KDM3A: variants seen among roughly 807,000 people sequenced by gnomAD.
KDM3A encodes the protein lysine demethylase 3A.
A neutral mutation model predicts 158.0 loss-of-function variants in KDM3A; 60 were observed. The observed-to-expected ratio is 0.38, with a 90% confidence interval of 0.31 to 0.47. KDM3A has a LOEUF of 0.47. KDM3A is among the 20% of genes least tolerant of loss of function. KDM3A has a pLI of 0.99. For missense variants in KDM3A, 1,319 were observed against 1,574.3 expected, an observed-to-expected ratio of 0.84 and a Z score of 2.74; for synonymous variants, 608 against 549.3, an observed-to-expected ratio of 1.11 and a Z score of -1.49.
At position 86,451,205 on chromosome 2, in the gene KDM3A, C is replaced by T; in HGVS notation, c.445C>T (p.Pro149Ser). ...RVFLSKDLLK[P>S]IQDVNSLRLS... ...ATTTCTTTCTAAAGACCTTTTGAAG[C>T]CTATACAGGTAAAACATAGAAACAG... Residue 149 changes from proline to serine, a missense_variant, in exon 4 of 26, where the codon CCT becomes TCT. This residue lies in a region of KDM3A where 652 missense variants were observed against 627.2 expected (regional missense o/e 1.04). Coordinates refer to ENST00000312912, the MANE Select transcript of KDM3A (RefSeq NM_018433.6). 1 of 1,582,250 alleles carries T rather than the reference C, an allele frequency of 6.3e-7. No individual in the cohort carries two copies. The highest frequency in any genetic ancestry group is 8.6e-7 in the Non-Finnish European group (1 of 1,160,760).
At chr2:86,486,704 T>C (rs1674193472) in intron 21 of KDM3A, among the ~76,000 whole-genome samples, 1 of 152,210 alleles carries the variant, frequency 6.6e-6, no homozygotes, top group South Asian at 2.1e-4. Context: ...TGTTGTTGTC[T>C]TCGCTATGTT....
At chr2:86,473,286 A>G (rs1044159999) in intron 11 of KDM3A, among the ~76,000 whole-genome samples, 2 of 152,120 alleles carry the variant, frequency 1.3e-5, no homozygotes, top group African/African-American at 4.8e-5. Flanking sequence ...TCAGCTTCCC[A>G]GGTAGCTAGG....
Position 86,442,074 on chromosome 2 carries a change from G to C in KDM3A, c.27G>C (p.Trp9Cys). Residue 9 changes from tryptophan to cysteine, a missense_variant, in exon 2 of 26, where the codon TGG becomes TGC. Physicochemically the swap from Trp to Cys is radical, Grantham distance 215. Around this residue, in one of 4 missense-constraint regions of KDM3A, gnomAD observed 652 missense variants for 627.2 expected, o/e 1.04. Coordinates refer to ENST00000312912, the MANE Select transcript of KDM3A (RefSeq NM_018433.6). MVLTLGESWPVLVGRRFLS... is the reference protein window; with the variant it reads MVLTLGESCPVLVGRRFLS... ...TGGTGCTCACGCTCGGAGAAAGTTG[G>C]CCGGTATTGGTGGGGAGGAGGTTTC... 2.5e-6 allele frequency: 4 copies of C among 1,614,136 alleles called. No individual in the cohort carries two copies. The highest frequency in any genetic ancestry group is 1.7e-6 in the Non-Finnish European group (2 of 1,180,006).
chr2:86,480,305 TCTC>T lies in KDM3A; in HGVS notation c.2459_2461del (p.Pro820del), dbSNP rs781489239. ...GAAGCCTGCCTGTCCAGCCAGCACA[TCTC>T]CTCTAAACTGGCTGGCCGACCTAAC... On this transcript the variant is annotated inframe_deletion, in exon 16 of 26. Coordinates refer to ENST00000312912, the MANE Select transcript of KDM3A (RefSeq NM_018433.6). The T allele has an allele frequency of 1.5e-5, 25 of 1,613,950 alleles. No individual in the cohort carries two copies. In the African/African-American group the frequency reaches 1.6e-4, roughly 10 times the overall value.
chr2:86,455,293 T>TA, intron 5 of KDM3A, 106 bp downstream of exon 5: 2 of 697,982 alleles, frequency 2.9e-6, no homozygotes, highest in Non-Finnish European at 4.8e-6. Flanking sequence ...ATTTCTTTTT[T>TA]CTTTTTTTTT....
intron 4 of KDM3A, among the ~76,000 whole-genome samples, chr2:86,452,175 T>G (rs957969312): frequency 6.6e-6 from 1 of 150,880 alleles, no homozygotes; most frequent in Non-Finnish European, 1.5e-5. Context: ...TTGCAGTCTA[T>G]TTAGTGCTGC....
At chr2:86,469,702 G>A (rs1458855155) in intron 10 of KDM3A, among the ~76,000 whole-genome samples, 7 of 152,064 alleles carry the variant, frequency 4.6e-5, no homozygotes, top group African/African-American at 7.2e-5. Flanking sequence ...ATAGACCCAG[G>A]GGCTACGTAG....
chr2:86,457,479 T>A (rs964204405), intron 8 of KDM3A, among the ~76,000 whole-genome samples: 3 of 152,200 alleles, frequency 2.0e-5, no homozygotes, highest in Admixed American at 2.0e-4. Context: ...TGTCTGCTCT[T>A]CTTTGCTAGT....
chr2:86,441,666 C>T (rs1682713059), intron 1 of KDM3A, among the ~76,000 whole-genome samples: 1 of 150,866 alleles, frequency 6.6e-6, no homozygotes, highest in Non-Finnish European at 1.5e-5. Context: ...GACCCAGCCG[C>T]CCGGGACCGG....
rs759760110 is a variant in KDM3A at position 86,470,187 on chromosome 2, A to G, written c.1520-17A>G. On this transcript the variant is annotated splice_polypyrimidine_tract_variant and intron_variant, in intron 10 of 25. Coordinates refer to ENST00000312912, the MANE Select transcript of KDM3A (RefSeq NM_018433.6). ...AAAAATTTGAGGTCCTGTCTCCTTAATCTTTTGTTTTCCTAGCCCCATCCA... is the reference window on the plus strand; with the variant it reads ...AAAAATTTGAGGTCCTGTCTCCTTAGTCTTTTGTTTTCCTAGCCCCATCCA... 4 of 1,612,216 alleles carry G rather than the reference A, an allele frequency of 2.5e-6. No homozygotes were observed. The South Asian group carries it at 4.4e-5, about 18-fold the overall frequency.
chr2:86,451,515 T>C (rs1377438010), intron 4 of KDM3A, among the ~76,000 whole-genome samples: 2 of 152,178 alleles, frequency 1.3e-5, no homozygotes, highest in African/African-American at 4.8e-5. Flanking sequence ...GCAGAATACA[T>C]TTAGTATTCA....
Position 86,485,804 on chromosome 2 carries a change from G to A in KDM3A, c.3258G>A (p.Arg1086=), listed in dbSNP as rs751514454. 1 of 1,614,124 alleles carries A rather than the reference G, an allele frequency of 6.2e-7. No individual in the cohort carries two copies. Among genetic ancestry groups the A allele is most frequent in the South Asian group, 1.1e-5 (1 of 91,084 alleles). The change falls in exon 21 of 26, where the codon AGG becomes AGA. Residue 1086 remains arginine (R), a synonymous_variant. Coordinates refer to ENST00000312912, the MANE Select transcript of KDM3A (RefSeq NM_018433.6). ...ATGGCAAACTGAATTTGGCCTCTAGGCTGCCAAACTACTTTGTTCGGCCAG... is the reference window on the plus strand; with the variant it reads ...ATGGCAAACTGAATTTGGCCTCTAGACTGCCAAACTACTTTGTTCGGCCAG... The part of the protein sequence containing the change: ...RRDGKLNLAS[R]LPNYFVRPDL...
At chr2:86,445,118 A>G (rs1682902207) in intron 2 of KDM3A, among the ~76,000 whole-genome samples, 1 of 152,218 alleles carries the variant, frequency 6.6e-6, no homozygotes, top group South Asian at 2.1e-4. Context: ...CTAGGCTTTA[A>G]TATTCAGGTA....
At chr2:86,439,606 T>C (rs1682574389), upstream of KDM3A, among the ~76,000 whole-genome samples, 1 of 152,096 alleles carries the variant, frequency 6.6e-6, no homozygotes, top group Non-Finnish European at 1.5e-5. Context: ...AATTACATAA[T>C]CTAAGTTCTC....
At chr2:86,448,321 C>T (rs1027015499) in intron 2 of KDM3A, among the ~76,000 whole-genome samples, 1 of 152,074 alleles carries the variant, frequency 6.6e-6, no homozygotes, top group Non-Finnish European at 1.5e-5. Context: ...GAATTTAGTG[C>T]CTTCTAAGCA....
chr2:86,467,755 T>C (rs1673221031), intron 10 of KDM3A, among the ~76,000 whole-genome samples: 1 of 152,216 alleles, frequency 6.6e-6, no homozygotes, highest in Non-Finnish European at 1.5e-5. Context: ...GCATAGTAGC[T>C]AACACCTGTA....
At chr2:86,463,894 T>C (rs1673025793) in intron 8 of KDM3A, among the ~76,000 whole-genome samples, 159 bp from the exon 9 acceptor site, 1 of 152,230 alleles carries the variant, frequency 6.6e-6, no homozygotes. Flanking sequence ...AAGCCCTGAA[T>C]TGTATAGTTT....
chr2:86,437,713 T>A (rs1489569185), upstream of KDM3A, among the ~76,000 whole-genome samples: 4 of 152,198 alleles, frequency 2.6e-5, no homozygotes, highest in East Asian at 7.7e-4. Flanking sequence ...TTTCTTCATA[T>A]AGGTTGTGTT....
chr2:86,485,960 T>A, intron 21 of KDM3A, 101 bp downstream of exon 21: 1 of 1,177,016 alleles, frequency 8.5e-7, no homozygotes, highest in Non-Finnish European at 1.2e-6. Context: ...CCCATAATCC[T>A]AATGCGTAAT....
Sources: allele counts gnomAD v4.1 joint callset (sites outside exome capture counted in the v4.1 genomes callset), GRCh38; gene constraint gnomAD v4.1.1; regional missense constraint gnomAD v4.1.1; transcripts MANE v1.5; gene names NCBI Gene and HGNC (gene_info 2026-07-23, HGNC 2026-07-21).